Variants in MINDY4 observed in about 807,000 individuals in gnomAD.
The protein encoded by MINDY4 is MINDY lysine 48 deubiquitinase 4.
A neutral mutation model predicts 87.0 loss-of-function variants in MINDY4; 68 were observed. The observed-to-expected ratio is 0.78, with a 90% CI of 0.64 to 0.96. The LOEUF (loss-of-function observed/expected upper bound fraction) is 0.96. MINDY4 is among the 40% of genes least tolerant of loss of function. The pLI is 0.00. For missense variants in MINDY4, 919 were observed against 928.2 expected, an observed-to-expected ratio of 0.99 and a Z score of 0.13; for synonymous variants, 379 against 363.2, an observed-to-expected ratio of 1.04 and a Z score of -0.50.
chr7:30,879,550 C>T (rs1219498048), intron 15 of MINDY4, among the ~76,000 whole-genome samples: 2 of 152,240 alleles, frequency 1.3e-5, no homozygotes, highest in East Asian at 1.9e-4. Flanking sequence ...CCCACCTCAG[C>T]CCGCACCACT....
intron 17 of MINDY4, among the ~76,000 whole-genome samples, chr7:30,888,171 T>A (rs145391628): frequency 6.6e-6 from 1 of 152,256 alleles, no homozygotes; most frequent in Non-Finnish European, 1.5e-5. Flanking sequence ...GTGATGCCTC[T>A]GGGGGGACAG....
Position 30,882,234 on chromosome 7 carries a change from G to C in MINDY4, c.2025G>C (p.Glu675Asp), listed in dbSNP as rs759245598. 62 of 1,613,766 alleles carry C rather than the reference G, an allele frequency of 3.8e-5. 1 individual carries two copies. In the South Asian group the frequency reaches 6.5e-4, roughly 17 times the overall value. The change falls in exon 16 of 18, where the codon GAG becomes GAC. Residue 675 changes from glutamate (E) to aspartate (D), a missense_variant. Transcript: ENST00000265299. ...TCCCCATCTGGGTGGTTTGCAGTGA[G>C]AGCCACTTCAGCATCCTCTTTAGCC... is the stretch of plus-strand genomic sequence containing the variant. Reference protein sequence around the residue: ...PRFPIWVVCSESHFSILFSLQ... With the variant: ...PRFPIWVVCSDSHFSILFSLQ...
chr7:30,886,439 A>C (rs1469096801), intron 17 of MINDY4, among the ~76,000 whole-genome samples: 4 of 152,176 alleles, frequency 2.6e-5, no homozygotes, highest in African/African-American at 7.2e-5. Flanking sequence ...CCCAAGCCAC[A>C]CAGCTGGCTG....
rs548812682 is a variant in MINDY4, at chr7:30,797,968, C to T, written c.1073+6394C>T. ...TGCATTTTCAGAAGCGCATCCACATCTGTGGGCCCCTGGAGGCACTGAAGG... is the reference window on the plus strand; with the variant it reads ...TGCATTTTCAGAAGCGCATCCACATTTGTGGGCCCCTGGAGGCACTGAAGG... On this transcript the variant is annotated intron_variant, in intron 5 of 17. Transcript: ENST00000265299. 2.6e-5 allele frequency among the ~76,000 whole-genome samples: 4 copies of T among 152,318 alleles called. No homozygotes were observed. In the South Asian group the frequency reaches 8.3e-4, roughly 32 times the overall value.
intron 5 of MINDY4, among the ~76,000 whole-genome samples, chr7:30,805,101 G>T (rs891749526): frequency 1.3e-5 from 2 of 152,212 alleles, no homozygotes; most frequent in Non-Finnish European, 2.9e-5. Context: ...AAGATGTGCC[G>T]CAAGGTGAGT....
chr7:30,825,935 C>T (rs1224449628), intron 5 of MINDY4, among the ~76,000 whole-genome samples: 1 of 152,176 alleles, frequency 6.6e-6, no homozygotes, highest in Admixed American at 6.5e-5. Context: ...CTGGTTGTTT[C>T]TTGAGGATCC....
intron 5 of MINDY4, among the ~76,000 whole-genome samples, chr7:30,826,265 G>A (rs182508852): frequency 2.3e-4 from 35 of 152,270 alleles, no homozygotes; most frequent in Non-Finnish European, 4.3e-4. Flanking sequence ...ATGACACCAC[G>A]TGACATTGCA....
chr7:30,843,041 CCTA>C (rs1001997737), intron 9 of MINDY4, among the ~76,000 whole-genome samples: 6 of 152,186 alleles, frequency 3.9e-5, no homozygotes, highest in African/African-American at 1.2e-4. Context: ...TCTGCCGCCA[CCTA>C]CTACTGCCCA....
intron 9 of MINDY4, among the ~76,000 whole-genome samples, chr7:30,846,701 G>A (rs1232282014): frequency 6.6e-6 from 1 of 151,234 alleles, no homozygotes; most frequent in Non-Finnish European, 1.5e-5. Flanking sequence ...TAAATCCACG[G>A]TCCCCAGCCT....
intron 4 of MINDY4, among the ~76,000 whole-genome samples, chr7:30,787,696 T>G (rs1457239137): frequency 6.6e-6 from 1 of 152,170 alleles, no homozygotes; most frequent in Non-Finnish European, 1.5e-5. Flanking sequence ...TGGAAAAGGT[T>G]GTTTTGGAAG....
Position 30,859,292 on chromosome 7 carries a change from C to G in MINDY4, c.1713C>G (p.Thr571=), listed in dbSNP as rs780981862. The G allele has an allele frequency of 1.2e-6, 2 of 1,614,028 alleles. No individual in the cohort carries two copies. Among genetic ancestry groups the G allele is most frequent in the African/African-American group, 2.7e-5 (2 of 74,910 alleles). The stretch of plus-strand genomic sequence containing the variant: ...GCCCCTATGGCTGCATCCTGCTCAC[C>G]CTTTCTGCCATCCTGTCCAGGTCTA... ...EVGPYGCILL[T]LSAILSRSTE... is the part of the protein sequence containing the mutation. The change falls in exon 13 of 18, where the codon ACC becomes ACG. Residue 571 remains threonine, a synonymous_variant. Coordinates refer to ENST00000265299, the MANE Select transcript of MINDY4 (RefSeq NM_032222.3).
At chr7:30,798,590 G>A (rs112957822) in intron 5 of MINDY4, among the ~76,000 whole-genome samples, 5,266 of 152,156 alleles carry the variant, frequency 0.035, 139 homozygotes, top group Middle Eastern at 0.099. Context: ...TCCGCCTCCC[G>A]GGTTCACGCC....
intron 9 of MINDY4, 128 bp downstream of exon 9, chr7:30,840,976 G>A (rs887016370): frequency 2.5e-6 from 2 of 798,674 alleles, no homozygotes; most frequent in Non-Finnish European, 4.0e-6. Flanking sequence ...AGAAAGGAGA[G>A]GTTAATGGCA....
intron 12 of MINDY4, among the ~76,000 whole-genome samples, chr7:30,855,909 G>A (rs990613144): frequency 6.6e-6 from 1 of 152,256 alleles, no homozygotes; most frequent in African/African-American, 2.4e-5. Flanking sequence ...AAGCAGTTGA[G>A]CTGCCTCAGC....
chr7:30,784,068 T>G (rs1787081107), intron 3 of MINDY4, among the ~76,000 whole-genome samples: 1 of 152,120 alleles, frequency 6.6e-6, no homozygotes, highest in Non-Finnish European at 1.5e-5. Context: ...TCGCTGAAGC[T>G]CAGGGTATGG....
intron 5 of MINDY4, among the ~76,000 whole-genome samples, chr7:30,805,627 G>T (rs1787781501): frequency 6.6e-6 from 1 of 152,152 alleles, no homozygotes. Context: ...CTTAGGAGAG[G>T]TTGGGAGGTC....
In MINDY4 at chr7:30,785,819, C is replaced by G. The variant is rs546734857; in HGVS notation, c.490C>G (p.Pro164Ala). ...TAAAAGGCCCCCGCACAAAAGTAAGCCCATGCAGACGGTCCCGGGTGAAAC... is the reference window on the plus strand; with the variant it reads ...TAAAAGGCCCCCGCACAAAAGTAAGGCCATGCAGACGGTCCCGGGTGAAAC... ...SSKRPPHKSK[P>A]MQTVPGETPV... Residue 164 changes from proline (P) to alanine (A), a missense_variant, in exon 4 of 18, where the codon CCC (proline) becomes GCC (alanine). Pro to Ala is a conservative substitution (Grantham distance 27). Coordinates refer to ENST00000265299, the MANE Select transcript of MINDY4 (RefSeq NM_032222.3). 1 of 1,614,190 alleles carries G rather than the reference C, an allele frequency of 6.2e-7. No individual in the cohort carries two copies. The highest frequency in any genetic ancestry group is 2.2e-5 in the East Asian group (1 of 44,888).
intron 14 of MINDY4, among the ~76,000 whole-genome samples, chr7:30,873,257 GGCATCTGCCTGCC>G (rs1201419168): frequency 6.6e-6 from 1 of 152,208 alleles, no homozygotes; most frequent in Non-Finnish European, 1.5e-5. Flanking sequence ...TCTCACTCCA[GGCATCTGCCTGCC>G]CCATGGGAGC....
chr7:30,791,084 T>C, intron 4 of MINDY4, 81 bp from the exon 5 acceptor site: 1 of 1,334,166 alleles, frequency 7.5e-7, no homozygotes, highest in South Asian at 1.4e-5. Flanking sequence ...CATCACATCA[T>C]GGGCAAATGC....
Sources: gnomAD v4.1 joint callset for allele counts (sites outside exome capture counted in the v4.1 genomes callset) on GRCh38, gnomAD v4.1.1 for gene constraint, MANE v1.5 for transcripts, NCBI Gene and HGNC (gene_info 2026-07-23, HGNC 2026-07-21) for gene names.